Variants in CAMK4 observed in about 807,000 individuals in gnomAD.
The protein encoded by CAMK4 is calcium/calmodulin-dependent protein kinase type IV.
CAMK4 carries 22 observed loss-of-function variants against 44.9 expected under a neutral mutation model. The observed-to-expected ratio is 0.49, with a 90% CI of 0.35 to 0.70. CAMK4 has a LOEUF of 0.70. Ranked by LOEUF, CAMK4 falls within the 30% of genes least tolerant of loss-of-function variation. The pLI is 0.01. For synonymous variants in CAMK4, 218 were observed against 215.4 expected, an observed-to-expected ratio of 1.01 and a Z score of -0.11; for missense variants, 498 against 586.8, an observed-to-expected ratio of 0.85 and a Z score of 1.56.
chr5:111,312,776 C>T (rs944298107), intron 1 of CAMK4, among the ~76,000 whole-genome samples: 1 of 152,086 alleles, frequency 6.6e-6, no homozygotes, highest in African/African-American at 2.4e-5. Flanking sequence ...GCCAACTCCC[C>T]GTTGACGAAT....
At chr5:111,259,134 A>G (rs1278233669) in intron 1 of CAMK4, among the ~76,000 whole-genome samples, 1 of 152,212 alleles carries the variant, frequency 6.6e-6, no homozygotes, top group Non-Finnish European at 1.5e-5. Context: ...AGAACCCATA[A>G]AAAGAGGCAG....
chr5:111,308,835 T>A (rs1748061377), intron 1 of CAMK4, among the ~76,000 whole-genome samples: 1 of 152,232 alleles, frequency 6.6e-6, no homozygotes, highest in Non-Finnish European at 1.5e-5. Flanking sequence ...AAATTAAATA[T>A]TCAGTAATCT....
intron 2 of CAMK4, among the ~76,000 whole-genome samples, chr5:111,348,647 A>G (rs1056135606): frequency 3.9e-5 from 6 of 152,032 alleles, no homozygotes; most frequent in Non-Finnish European, 7.4e-5. Flanking sequence ...CAACAAAAAA[A>G]ATGGTTTGTG....
rs894300591 is a variant in CAMK4, at chr5:111,393,982, G to T, written c.387-728G>T. Among the ~76,000 whole-genome samples the T allele has an allele frequency of 3.3e-5, 5 of 151,288 alleles. No individual in the cohort carries two copies. The East Asian group carries it at 5.8e-4, about 18-fold the overall frequency. On this transcript the variant is annotated intron_variant, in intron 4 of 10. Coordinates refer to ENST00000282356, the MANE Select transcript of CAMK4 (RefSeq NM_001744.6). ...GCAAAAGTGAAACAGAGATGGAGAA[G>T]GGATGAAAGGGAAGGATGGAAAAAG...
chr5:111,435,662 C>T (rs886523035), intron 5 of CAMK4, among the ~76,000 whole-genome samples: 1 of 152,146 alleles, frequency 6.6e-6, no homozygotes, highest in African/African-American at 2.4e-5. Context: ...CTCTTCTTTC[C>T]CATTACAAAA....
rs1755801301 is a variant in CAMK4, at chr5:111,490,949, G to A, written c.*6483G>A. 6.6e-6 allele frequency: 1 copy of A among 152,046 alleles called. No individual in the cohort carries two copies. Among genetic ancestry groups the A allele is most frequent in the South Asian group, 2.1e-4 (1 of 4,822 alleles). The allele number at this position is 152,046 out of a possible 1,614,324, so 9.4% of individuals were successfully genotyped here. A position where few individuals can be genotyped will look rare whatever the true frequency, so the allele number is the denominator to read the frequency against. ...TAGTGAGTGGGTACAGCTGAGTTGG[G>A]GTTTAGGTGATTTCTTATGCCCAAT... On this transcript the variant is annotated 3_prime_UTR_variant, in exon 11 of 11. Transcript: ENST00000282356.
At chr5:111,243,082 T>C (rs1467454341) in intron 1 of CAMK4, among the ~76,000 whole-genome samples, 1 of 152,174 alleles carries the variant, frequency 6.6e-6, no homozygotes, top group African/African-American at 2.4e-5. Context: ...TAAAACATTA[T>C]TCAATGACTT....
At chr5:111,449,108 A>AT (rs758162863) in intron 6 of CAMK4, 21 bp from the exon 7 acceptor site, 3 of 1,158,008 alleles carry the variant, frequency 2.6e-6, no homozygotes, top group African/African-American at 1.5e-5. Context: ...GCTTCATTAA[A>AT]TTTTTTTCTT....
intron 7 of CAMK4, among the ~76,000 whole-genome samples, chr5:111,470,165 G>A (rs1450817662): frequency 2.0e-5 from 3 of 152,244 alleles, no homozygotes; most frequent in African/African-American, 7.2e-5. Flanking sequence ...CTTTACAAGG[G>A]AAAGTTCACT....
chr5:111,361,606 G>T (rs112650218), intron 2 of CAMK4, among the ~76,000 whole-genome samples: 251 of 152,144 alleles, frequency 1.6e-3, no homozygotes, highest in African/African-American at 5.6e-3. Context: ...AATATATAAA[G>T]GACATGGTTG....
intron 1 of CAMK4, among the ~76,000 whole-genome samples, chr5:111,236,248 GT>G (rs965082783): frequency 6.6e-6 from 1 of 152,198 alleles, no homozygotes; most frequent in African/African-American, 2.4e-5. Flanking sequence ...ACCTTACTTA[GT>G]TCAGTTTATA....
At position 111,224,436 on chromosome 5, in the gene CAMK4, G is replaced by T. The variant is rs1561344104; in HGVS notation, c.-48G>T. 1.3e-6 allele frequency: 2 copies of T among 1,538,832 alleles called. No individual in the cohort carries two copies. Among genetic ancestry groups the T allele is most frequent in the Non-Finnish European group, 8.7e-7 (1 of 1,146,028 alleles). On this transcript the variant is annotated 5_prime_UTR_variant, in exon 1 of 11. Transcript: ENST00000282356. This position sits in a 1 kb window ranked among gnomAD's most constrained non-coding sequence, Gnocchi z 5.7. ...CGGCTGGCGGCCGGCTTCTCGCTCG[G>T]GCAGCGGCGGCGGCGGCGGCGGCGG... is the stretch of plus-strand genomic sequence containing the variant.
At chr5:111,429,807 A>AAAAAC in intron 5 of CAMK4, among the ~76,000 whole-genome samples, 1 of 145,890 alleles carries the variant, frequency 6.9e-6, no homozygotes, top group Non-Finnish European at 1.5e-5. Context: ...AAAAAAAAAA[A>AAAAAC]AGCCGTAATA....
chr5:111,332,677 A>G (rs1200149679), intron 1 of CAMK4, among the ~76,000 whole-genome samples: 1 of 151,614 alleles, frequency 6.6e-6, no homozygotes, highest in African/African-American at 2.4e-5. Flanking sequence ...GCAAGCATAA[A>G]GATGCAGGGT....
chr5:111,250,332 T>C (rs990895603), intron 1 of CAMK4, among the ~76,000 whole-genome samples: 1 of 152,198 alleles, frequency 6.6e-6, no homozygotes, highest in Non-Finnish European at 1.5e-5. Flanking sequence ...TCTTACCTGA[T>C]TGAAGGCATG....
intron 1 of CAMK4, among the ~76,000 whole-genome samples, chr5:111,245,488 T>C (rs1749193547): frequency 6.6e-6 from 1 of 152,238 alleles, no homozygotes; most frequent in African/African-American, 2.4e-5. Flanking sequence ...TTTTCTGCCA[T>C]ATCTTTTCTT....
intron 5 of CAMK4, among the ~76,000 whole-genome samples, chr5:111,404,135 T>C (rs1218840721): frequency 6.6e-6 from 1 of 152,200 alleles, no homozygotes; most frequent in Non-Finnish European, 1.5e-5. Context: ...AGCATACATA[T>C]TTAACATGGT....
intron 5 of CAMK4, among the ~76,000 whole-genome samples, chr5:111,429,718 A>G (rs1261783585): frequency 7.5e-6 from 1 of 134,180 alleles, no homozygotes; most frequent in Admixed American, 8.4e-5. Context: ...TGATTCATTG[A>G]GTCTAGATCA....
chr5:111,376,786 C>T, intron 3 of CAMK4, 74 bp from the exon 4 acceptor site: 1 of 837,918 alleles, frequency 1.2e-6, no homozygotes. Flanking sequence ...GTTGTTTTAG[C>T]CATAGTATTA....
Sources: gnomAD v4.1 joint callset for allele counts (sites outside exome capture counted in the v4.1 genomes callset) on GRCh38, gnomAD v4.1.1 for gene constraint, Gnocchi (gnomAD v3.1) non-coding constraint, MANE v1.5 for transcripts, NCBI Gene and HGNC (gene_info 2026-07-23, HGNC 2026-07-21) for gene names.